The following SHC3 variants were observed in gnomAD, a reference collection of about 807,000 sequenced individuals.
The protein encoded by SHC3 is SHC adaptor protein 3, also known as SHC-transforming protein 3.
Under a neutral mutation model 60.4 loss-of-function variants are expected in SHC3, and 15 were observed. The observed-to-expected ratio is 0.25, with a 90% CI of 0.17 to 0.38. The LOEUF is 0.38. Ranked by LOEUF, SHC3 falls within the 10% of genes least tolerant of loss-of-function variation. The pLI, the probability that SHC3 is intolerant of heterozygous loss-of-function variation, is 1.00. For synonymous variants in SHC3, 294 were observed against 325.9 expected (o/e 0.90, Z 1.05); for missense variants, 677 against 786.1 (o/e 0.86, Z 1.66).
rs147253978 is a variant in SHC3 at position 89,076,704 on chromosome 9, C to T, written c.609+1136G>A. Among the ~76,000 whole-genome samples, 650 of 152,264 alleles carry T rather than the reference C, an allele frequency of 4.3e-3. 3 individuals are homozygous for T. Among genetic ancestry groups the T allele is most frequent in the African/African-American group, 0.015 (606 of 41,550 alleles). On this transcript the variant is annotated intron_variant, in intron 3 of 11. Coordinates refer to ENST00000375835, the MANE Select transcript of SHC3 (RefSeq NM_016848.6). ...TACCTGCATTGTGGCCTTTCCCCTC[C>T]GTTCACAGTTGTCATCATCTGTAAT...
chr9:89,068,933 A>T (rs889287438), intron 5 of SHC3, among the ~76,000 whole-genome samples: 1 of 152,242 alleles, frequency 6.6e-6, no homozygotes, highest in African/African-American at 2.4e-5. Flanking sequence ...GGTTCCAAAC[A>T]TCACAAGGGG....
intron 1 of SHC3, among the ~76,000 whole-genome samples, chr9:89,138,795 G>C (rs1414347510): frequency 6.6e-6 from 1 of 152,112 alleles, no homozygotes; most frequent in Non-Finnish European, 1.5e-5. Flanking sequence ...TCTTCAGGAT[G>C]ATTAGAGGTG....
intron 4 of SHC3, among the ~76,000 whole-genome samples, chr9:89,073,306 T>C (rs1825303662): frequency 6.6e-6 from 1 of 152,226 alleles, no homozygotes; most frequent in Non-Finnish European, 1.5e-5. Flanking sequence ...TGTTATCTCT[T>C]TGGGTAAGAC....
At chr9:89,099,446 C>T (rs539579611) in intron 2 of SHC3, among the ~76,000 whole-genome samples, 1 of 152,308 alleles carries the variant, frequency 6.6e-6, no homozygotes, top group South Asian at 2.1e-4. Context: ...TCTGAGCCAT[C>T]AAGAATGTAG....
intron 6 of SHC3, among the ~76,000 whole-genome samples, chr9:89,059,581 GTGGTGGAGGACATGGTGTAGGAC>G (rs1825033348): frequency 6.9e-6 from 1 of 145,090 alleles, no homozygotes; most frequent in African/African-American, 2.6e-5. Flanking sequence ...GGTGGAGGAT[GTGGTGGAGGACATGGTGTAGGAC>G]GTGGTGCAGG....
intron 1 of SHC3, among the ~76,000 whole-genome samples, chr9:89,122,103 T>C (rs1255485110): frequency 6.6e-6 from 1 of 152,234 alleles, no homozygotes; most frequent in Non-Finnish European, 1.5e-5. Flanking sequence ...TTAAATTTTT[T>C]CATCTTCTGA....
At chr9:89,125,276 G>A (rs189007913) in intron 1 of SHC3, among the ~76,000 whole-genome samples, 7 of 152,082 alleles carry the variant, frequency 4.6e-5, no homozygotes, top group South Asian at 2.1e-4. Context: ...CTAAATTTCC[G>A]AGTTTGCTTT....
At chr9:89,091,598 T>G (rs1428158469) in intron 2 of SHC3, among the ~76,000 whole-genome samples, 1 of 152,238 alleles carries the variant, frequency 6.6e-6, no homozygotes, top group Non-Finnish European at 1.5e-5. Context: ...TAATAAAACA[T>G]TTTTTAATAT....
At chr9:89,167,831 A>G (rs1826811985) in intron 1 of SHC3, among the ~76,000 whole-genome samples, 1 of 152,228 alleles carries the variant, frequency 6.6e-6, no homozygotes, top group Admixed American at 6.5e-5. Flanking sequence ...CTGGTGAAAC[A>G]CCTTGATACA....
chr9:89,045,407 A>T (rs1005318380), intron 9 of SHC3, among the ~76,000 whole-genome samples: 2 of 150,976 alleles, frequency 1.3e-5, no homozygotes, highest in African/African-American at 4.9e-5. Flanking sequence ...CAGCCTCCTG[A>T]GTAGCTGGGA....
At chr9:89,106,769 G>C (rs1036528356) in intron 2 of SHC3, among the ~76,000 whole-genome samples, 1 of 152,104 alleles carries the variant, frequency 6.6e-6, no homozygotes, top group African/African-American at 2.4e-5. Context: ...AGATACCTTC[G>C]GTCTAACCAA....
intron 2 of SHC3, among the ~76,000 whole-genome samples, chr9:89,098,489 G>A (rs1825737038): frequency 6.6e-6 from 1 of 152,172 alleles, no homozygotes; most frequent in African/African-American, 2.4e-5. Flanking sequence ...GAGGTATGAT[G>A]TTTCCAACTT....
chr9:89,174,792 G>T (rs1469519363), intron 1 of SHC3, among the ~76,000 whole-genome samples: 1 of 152,218 alleles, frequency 6.6e-6, no homozygotes, highest in African/African-American at 2.4e-5. Context: ...TGAATGTCAA[G>T]GCTGTGCTTG....
intron 1 of SHC3, among the ~76,000 whole-genome samples, chr9:89,163,064 G>T (rs1587764271): frequency 1.4e-5 from 2 of 143,350 alleles, no homozygotes; most frequent in South Asian, 4.9e-4. Context: ...ACACCAGTTA[G>T]AATGGCAATC....
intron 8 of SHC3, 64 bp downstream of exon 8, chr9:89,046,771 CCAAAGAAAA>C: frequency 7.2e-7 from 1 of 1,387,388 alleles, no homozygotes; most frequent in Non-Finnish European, 9.4e-7. Context: ...TGAAATAAAA[CCAAAGAAAA>C]CAAAAGGAAA....
At position 89,012,606 on chromosome 9, in the gene SHC3, C is replaced by T. The variant is rs1826026615; in HGVS notation, c.*841G>A. The T allele has an allele frequency of 6.6e-6, 1 of 152,140 alleles. No homozygotes were observed. The highest frequency in any genetic ancestry group is 1.5e-5 in the Non-Finnish European group (1 of 68,030). The allele number at this position is 152,140 out of a possible 1,614,324, so 9.4% of individuals were successfully genotyped here. On this transcript the variant is annotated 3_prime_UTR_variant, in exon 12 of 12. Coordinates refer to ENST00000375835, the MANE Select transcript of SHC3 (RefSeq NM_016848.6). ...AGGGAGACACAAACCAGGAATTTGC[C>T]CCGACCACCCTTCTACAAATACCCA...
chr9:89,074,701 A>T (rs1825327713), intron 4 of SHC3, among the ~76,000 whole-genome samples: 1 of 151,436 alleles, frequency 6.6e-6, no homozygotes, highest in Admixed American at 6.6e-5. Flanking sequence ...CAAAAAAAAA[A>T]AAAAAAAAAA....
At chr9:89,039,802 A>G (rs1824644723) in intron 10 of SHC3, among the ~76,000 whole-genome samples, 1 of 151,338 alleles carries the variant, frequency 6.6e-6, no homozygotes, top group African/African-American at 2.4e-5. Flanking sequence ...CACCACCACC[A>G]TTACCATCAG....
At chr9:89,142,665 G>A (rs1325773174) in intron 1 of SHC3, among the ~76,000 whole-genome samples, 1 of 134,974 alleles carries the variant, frequency 7.4e-6, no homozygotes, top group Non-Finnish European at 1.6e-5. Context: ...GACAGAGTGA[G>A]ACTCTGTCAA....
Sources: allele counts gnomAD v4.1 joint callset (sites outside exome capture counted in the v4.1 genomes callset), GRCh38; gene constraint gnomAD v4.1.1; transcripts MANE v1.5; gene names NCBI Gene and HGNC (gene_info 2026-07-23, HGNC 2026-07-21).